RCAN1: variants seen among roughly 807,000 people sequenced by gnomAD.
RCAN1 encodes calcipressin-1.
Under a neutral mutation model 22.9 loss-of-function variants are expected in RCAN1, and 11 were observed. The ratio of observed to expected loss-of-function variants is 0.48; its 90% CI spans 0.30 to 0.79. The LOEUF (loss-of-function observed/expected upper bound fraction) is 0.79, where lower values mean the gene tolerates loss of function less well. Among genes scored for constraint, RCAN1 ranks in the 30% least tolerant of loss-of-function variants. RCAN1 has a pLI of 0.06. For missense variants in RCAN1, 291 were observed against 337.8 expected (o/e 0.86, Z 1.09); for synonymous variants, 136 against 142.3 (o/e 0.96, Z 0.32).
chr21:34,517,237 C>T lies in RCAN1; in HGVS notation c.*847G>A, dbSNP rs778463183. On this transcript the variant is annotated 3_prime_UTR_variant, in exon 4 of 4. Coordinates refer to ENST00000313806, the MANE Select transcript of RCAN1 (RefSeq NM_004414.7). ...AAAAGAAACAACAGAAACTGAGGTC[C>T]GATCCCAAACACCTAAACTAAAATT... The T allele has an allele frequency of 1.3e-5, 2 of 152,206 alleles. No homozygotes were observed. The highest frequency in any genetic ancestry group is 2.4e-5 in the African/African-American group (1 of 41,440). 9.4% of individuals were successfully genotyped at this position (152,206 alleles called of 1,614,324 possible).
intron 1 of RCAN1, among the ~76,000 whole-genome samples, chr21:34,533,097 A>T (rs1222663667): frequency 6.6e-6 from 1 of 151,244 alleles, no homozygotes; most frequent in African/African-American, 2.4e-5. Flanking sequence ...AGTAGCTGGG[A>T]CTACAGGTGC....
intron 1 of RCAN1, among the ~76,000 whole-genome samples, chr21:34,610,261 A>T (rs146940685): frequency 1.4e-3 from 210 of 152,306 alleles, no homozygotes; most frequent in African/African-American, 5.0e-3. Flanking sequence ...CAATCATCAA[A>T]TTGCTTTCGA....
intron 1 of RCAN1, among the ~76,000 whole-genome samples, chr21:34,575,640 A>C (rs1320310149): frequency 1.3e-5 from 2 of 152,164 alleles, no homozygotes; most frequent in Non-Finnish European, 2.9e-5. Context: ...TGCCCACCTC[A>C]GCCTCCCAAG....
At chr21:34,529,461 C>A (rs1985255750) in intron 1 of RCAN1, among the ~76,000 whole-genome samples, 1 of 152,166 alleles carries the variant, frequency 6.6e-6, no homozygotes, top group Non-Finnish European at 1.5e-5. Flanking sequence ...ATATCAATGC[C>A]TCCTCATCTG....
intron 1 of RCAN1, among the ~76,000 whole-genome samples, chr21:34,544,450 A>G (rs756936624): frequency 5.9e-5 from 9 of 152,220 alleles, no homozygotes; most frequent in Non-Finnish European, 1.0e-4. Flanking sequence ...ACAGGAACGC[A>G]GCCCAGGAGA....
chr21:34,570,828 C>T (rs1163311824), intron 1 of RCAN1, among the ~76,000 whole-genome samples: 1 of 152,058 alleles, frequency 6.6e-6, no homozygotes, highest in African/African-American at 2.4e-5. Context: ...GCTAGAATAT[C>T]CTTTTTTTAT....
At chr21:34,566,766 C>T (rs2123675324) in intron 1 of RCAN1, among the ~76,000 whole-genome samples, 1 of 152,238 alleles carries the variant, frequency 6.6e-6, no homozygotes, top group South Asian at 2.1e-4. Flanking sequence ...TCTGGTGTGG[C>T]CTCAGGAAGC....
At chr21:34,591,932 G>A (rs1272256069) in intron 1 of RCAN1, among the ~76,000 whole-genome samples, 1 of 152,132 alleles carries the variant, frequency 6.6e-6, no homozygotes, top group Non-Finnish European at 1.5e-5. Context: ...TCATTTCTTG[G>A]TATCCACCAC....
chr21:34,604,438 G>T (rs1568932986), intron 1 of RCAN1, among the ~76,000 whole-genome samples: 1 of 152,114 alleles, frequency 6.6e-6, no homozygotes, highest in East Asian at 1.9e-4. Flanking sequence ...GGCCATCTTG[G>T]GGTCATTTAA....
chr21:34,546,627 A>C (rs1986151239), intron 1 of RCAN1, among the ~76,000 whole-genome samples: 1 of 152,222 alleles, frequency 6.6e-6, no homozygotes, highest in African/African-American at 2.4e-5. Context: ...CAGACACTGC[A>C]TGCTCACATA....
At chr21:34,609,156 G>A (rs867956264) in intron 1 of RCAN1, among the ~76,000 whole-genome samples, 2 of 152,164 alleles carry the variant, frequency 1.3e-5, no homozygotes, top group African/African-American at 4.8e-5. Flanking sequence ...CTTTGAAAAT[G>A]TTTCTGTTTT....
chr21:34,595,875 C>T (rs143541026), intron 1 of RCAN1, among the ~76,000 whole-genome samples: 84 of 152,298 alleles, frequency 5.5e-4, no homozygotes, highest in Non-Finnish European at 8.5e-4. Flanking sequence ...GTGGGACATA[C>T]GTGTGAAAAG....
intron 1 of RCAN1, among the ~76,000 whole-genome samples, chr21:34,604,234 G>A (rs1174675853): frequency 1.3e-5 from 2 of 152,114 alleles, no homozygotes; most frequent in South Asian, 2.1e-4. Flanking sequence ...GGGTTCAAGC[G>A]ATTCTCCTGC....
chr21:34,521,594 G>A lies in RCAN1; in HGVS notation c.491C>T (p.Pro164Leu). The A allele has an allele frequency of 1.2e-6, 2 of 1,614,180 alleles. No individual in the cohort carries two copies. The highest frequency in any genetic ancestry group is 1.7e-6 in the Non-Finnish European group (2 of 1,180,032). Residue 164 changes from proline to leucine, a missense_variant, in exon 3 of 4, where the codon CCT (proline) becomes CTT (leucine). By Grantham distance (98) the Pro-to-Leu change is moderately conservative. Coordinates refer to ENST00000313806, the MANE Select transcript of RCAN1 (RefSeq NM_004414.7). ...CCATCCCACTGGCGGAGAGGCGGGA[G>A]GGGAGATCAGAAACTGCTTGTCTGG... Reference protein sequence around the residue: ...PNPDKQFLISPPASPPVGWKQ... With the variant: ...PNPDKQFLISLPASPPVGWKQ...
At chr21:34,608,306 C>G (rs556104907) in intron 1 of RCAN1, among the ~76,000 whole-genome samples, 75 of 152,154 alleles carry the variant, frequency 4.9e-4, no homozygotes, top group Non-Finnish European at 9.4e-4. Context: ...CCAGGGATCC[C>G]CACGTCCTGG....
chr21:34,610,518 G>T (rs1007698839), intron 1 of RCAN1, among the ~76,000 whole-genome samples: 1 of 152,152 alleles, frequency 6.6e-6, no homozygotes, highest in African/African-American at 2.4e-5. Flanking sequence ...GCACAGAAAG[G>T]GTAAGTCATC....
rs369218347 is a variant in RCAN1 at position 34,533,117 on chromosome 21, C to A, written c.253-9407G>T. On this transcript the variant is annotated intron_variant, in intron 1 of 3. Coordinates refer to ENST00000313806, the MANE Select transcript of RCAN1 (RefSeq NM_004414.7). ...CTGGGACTACAGGTGCCCGCCACCA[C>A]GCCCGGCTAATTTTTTGTATTTTTA... Among the ~76,000 whole-genome samples, 11 of 151,588 alleles carry A rather than the reference C, an allele frequency of 7.3e-5. 1 individual carries two copies. Among genetic ancestry groups the A allele is most frequent in the African/African-American group, 2.7e-4 (11 of 41,204 alleles).
intron 1 of RCAN1, among the ~76,000 whole-genome samples, chr21:34,580,142 A>G (rs1661236262): frequency 1.3e-5 from 2 of 152,238 alleles, no homozygotes; most frequent in Non-Finnish European, 2.9e-5. Flanking sequence ...CCCAGTGAGA[A>G]TGGAAGAGGC....
intron 1 of RCAN1, chr21:34,527,044 G>T: frequency 9.3e-7 from 1 of 1,071,050 alleles, no homozygotes; most frequent in Non-Finnish European, 1.2e-6. Flanking sequence ...ACTTTGCTTG[G>T]GGAGAATGGA....
Sources: gnomAD v4.1 joint callset for allele counts (sites outside exome capture counted in the v4.1 genomes callset) on GRCh38, gnomAD v4.1.1 for gene constraint, MANE v1.5 for transcripts, NCBI Gene and HGNC (gene_info 2026-07-23, HGNC 2026-07-21) for gene names.